PDCD1LG2: variants seen among roughly 807,000 people sequenced by gnomAD.
PDCD1LG2 encodes programmed cell death 1 ligand 2.
In PDCD1LG2, 32 loss-of-function variants were observed where a neutral mutation model predicts 28.2. That is an observed-to-expected ratio of 1.13 (90% confidence interval 0.86 to 1.52). The LOEUF (loss-of-function observed/expected upper bound fraction) is 1.52. PDCD1LG2 is among the 40% of genes most tolerant of loss of function. The pLI is 0.00. For missense variants in PDCD1LG2, 385 were observed against 323.8 expected (o/e 1.19, Z -1.45); for synonymous variants, 116 against 120.2 (o/e 0.97, Z 0.23).
chr9:5,529,726 G>T (rs1319280121), intron 2 of PDCD1LG2, among the ~76,000 whole-genome samples: 2 of 152,156 alleles, frequency 1.3e-5, no homozygotes, highest in African/African-American at 4.8e-5. Flanking sequence ...GGTGATGCCT[G>T]AGGTCATTCT....
intron 3 of PDCD1LG2, among the ~76,000 whole-genome samples, chr9:5,544,725 G>T (rs565801783): frequency 1.4e-5 from 2 of 140,256 alleles, no homozygotes; most frequent in East Asian, 4.4e-4. Flanking sequence ...CAGGGACAAC[G>T]AAGGCTGGCT....
At position 5,534,793 on chromosome 9, in the gene PDCD1LG2, G is replaced by C. The variant is rs1820548308; in HGVS notation, c.104G>C (p.Gly35Ala). The C allele has an allele frequency of 6.2e-7, 1 of 1,614,090 alleles. No individual in the cohort carries two copies. Residue 35 changes from glycine (G) to alanine (A), a missense_variant, in exon 3 of 7, where the codon GGC becomes GCC. Coordinates refer to ENST00000397747, the MANE Select transcript of PDCD1LG2 (RefSeq NM_025239.4). The stretch of plus-strand genomic sequence containing the variant: ...AAGGAACTGTACATAATAGAGCATG[G>C]CAGCAATGTGACCCTGGAATGCAAC... ...VPKELYIIEH[G>A]SNVTLECNFD...
chr9:5,535,120 C>T (rs2129798340), intron 3 of PDCD1LG2, 70 bp downstream of exon 3: 1 of 1,393,570 alleles, frequency 7.2e-7, no homozygotes, highest in Non-Finnish European at 9.6e-7. Context: ...TCACAGAAAC[C>T]CATTAAAGGT....
At chr9:5,553,521 G>C (rs1816378689) in intron 4 of PDCD1LG2, among the ~76,000 whole-genome samples, 1 of 152,190 alleles carries the variant, frequency 6.6e-6, no homozygotes, top group Non-Finnish European at 1.5e-5. Context: ...GCCTGTATGA[G>C]ATGAATTGAG....
At chr9:5,563,798 A>G (rs1352719207) in intron 6 of PDCD1LG2, among the ~76,000 whole-genome samples, 2 of 152,228 alleles carry the variant, frequency 1.3e-5, no homozygotes, top group Non-Finnish European at 2.9e-5. Context: ...CTGGAAACCC[A>G]GGCAGGATTT....
chr9:5,557,553 G>A (rs761714393), intron 4 of PDCD1LG2, 65 bp from the exon 5 acceptor site: 6 of 1,577,084 alleles, frequency 3.8e-6, no homozygotes, highest in Admixed American at 1.7e-5. Flanking sequence ...CACTCATGTG[G>A]CCAGCCTGTT....
intron 4 of PDCD1LG2, among the ~76,000 whole-genome samples, chr9:5,553,933 C>A (rs1374787563): frequency 6.6e-6 from 1 of 152,106 alleles, no homozygotes; most frequent in Non-Finnish European, 1.5e-5. Flanking sequence ...TTGGCTGCAC[C>A]TTTTCTACCT....
At chr9:5,535,134 T>G (rs1256432703) in intron 3 of PDCD1LG2, 84 bp downstream of exon 3, 1 of 1,282,324 alleles carries the variant, frequency 7.8e-7, no homozygotes, top group Non-Finnish European at 1.0e-6. Flanking sequence ...TAAAGGTAGC[T>G]CAAGCAAAAA....
Position 5,570,705 on chromosome 9 carries a change from C to T in PDCD1LG2, c.*746C>T, listed in dbSNP as rs1816754456. On this transcript the variant is annotated 3_prime_UTR_variant, in exon 7 of 7. Transcript: ENST00000397747. ...TTGGTTTCTTTTTATTTGTTTTTACCTTAGAAATCAATTATATACAGTCAA... is the reference window on the plus strand; with the variant it reads ...TTGGTTTCTTTTTATTTGTTTTTACTTTAGAAATCAATTATATACAGTCAA... 1 of 231,008 alleles carries T rather than the reference C, an allele frequency of 4.3e-6. No homozygotes were observed. Among genetic ancestry groups the T allele is most frequent in the East Asian group, 6.2e-5 (1 of 16,236 alleles). The allele number at this position is 231,008 out of a possible 1,614,324, so 14.3% of individuals were successfully genotyped here. A position where few individuals can be genotyped will look rare whatever the true frequency, so the allele number is the denominator to read the frequency against.
chr9:5,545,605 C>T (rs1355683121), intron 3 of PDCD1LG2, among the ~76,000 whole-genome samples: 1 of 152,134 alleles, frequency 6.6e-6, no homozygotes, highest in Non-Finnish European at 1.5e-5. Flanking sequence ...AATGTGTGTC[C>T]ATTTAACAGT....
At chr9:5,517,984 G>A (rs1249691316) in intron 1 of PDCD1LG2, among the ~76,000 whole-genome samples, 1 of 152,182 alleles carries the variant, frequency 6.6e-6, no homozygotes, top group Non-Finnish European at 1.5e-5. Flanking sequence ...CAGTGGGGTG[G>A]AAGAAAGGAG....
intron 3 of PDCD1LG2, among the ~76,000 whole-genome samples, chr9:5,543,314 C>T (rs1371207079): frequency 4.6e-5 from 7 of 151,964 alleles, no homozygotes; most frequent in East Asian, 3.9e-4. Flanking sequence ...CCGAGGTGGG[C>T]AGATCACGAG....
At chr9:5,537,963 T>G (rs1684332061) in intron 3 of PDCD1LG2, among the ~76,000 whole-genome samples, 1 of 152,204 alleles carries the variant, frequency 6.6e-6, no homozygotes, top group Non-Finnish European at 1.5e-5. Context: ...TCAATAGCTA[T>G]AAATATTTTG....
intron 4 of PDCD1LG2, among the ~76,000 whole-genome samples, chr9:5,555,304 C>A (rs7028922): frequency 0.16 from 23,652 of 152,084 alleles, 2,346 homozygotes; most frequent in African/African-American, 0.27. Context: ...GTAATCCCAG[C>A]TACTCAAGAG....
rs374273924 is a variant in PDCD1LG2 at position 5,554,219 on chromosome 9, A to G, written c.632-3399A>G. Among the ~76,000 whole-genome samples, 43 of 152,308 alleles carry G rather than the reference A, an allele frequency of 2.8e-4. 2 individuals are homozygous for G. The South Asian group carries it at 7.7e-3, about 27-fold the overall frequency. On this transcript the variant is annotated intron_variant, in intron 4 of 6. Coordinates refer to ENST00000397747, the MANE Select transcript of PDCD1LG2 (RefSeq NM_025239.4). Reference sequence around the variant, plus strand: ...GCAAAAGCAGAGTCCTGTGTTCATAATAAGTGCTCAACAAATGTTGGGTTG... The same window carrying G: ...GCAAAAGCAGAGTCCTGTGTTCATAGTAAGTGCTCAACAAATGTTGGGTTG...
At chr9:5,523,777 C>G (rs1308401345) in intron 2 of PDCD1LG2, among the ~76,000 whole-genome samples, 1 of 152,176 alleles carries the variant, frequency 6.6e-6, no homozygotes, top group Non-Finnish European at 1.5e-5. Flanking sequence ...TGTTCCCCAT[C>G]CTGTGGCAGG....
intron 1 of PDCD1LG2, among the ~76,000 whole-genome samples, chr9:5,517,149 G>A (rs1182932788): frequency 6.6e-6 from 1 of 152,206 alleles, no homozygotes; most frequent in Admixed American, 6.5e-5. Context: ...TGACTGCTTT[G>A]GGGGAGAAAA....
rs535428999 is a variant in PDCD1LG2, at chr9:5,562,516, T to A, written c.767-646T>A. 2.0e-5 allele frequency among the ~76,000 whole-genome samples: 3 copies of A among 152,198 alleles called. 1 individual carries two copies. The highest frequency in any genetic ancestry group is 2.0e-4 in the Admixed American group (3 of 15,272). ...GAGAGTAGGGAGTGGCAGTGAGGAA[T>A]AAAAAAGCTGCATATTGAGTTCAAT... is the stretch of plus-strand genomic sequence containing the variant. On this transcript the variant is annotated intron_variant, in intron 5 of 6. Coordinates refer to ENST00000397747, the MANE Select transcript of PDCD1LG2 (RefSeq NM_025239.4).
intron 2 of PDCD1LG2, among the ~76,000 whole-genome samples, chr9:5,525,861 G>GAA (rs1820366410): frequency 2.0e-5 from 3 of 151,718 alleles, no homozygotes; most frequent in Admixed American, 2.0e-4. Flanking sequence ...AGCCTGGCCC[G>GAA]CATGGTGAAA....
Sources: allele counts gnomAD v4.1 joint callset (sites outside exome capture counted in the v4.1 genomes callset), GRCh38; gene constraint gnomAD v4.1.1; transcripts MANE v1.5; gene names NCBI Gene and HGNC (gene_info 2026-07-23, HGNC 2026-07-21).